DGKG: variants seen among roughly 807,000 people sequenced by gnomAD.
DGKG encodes diacylglycerol kinase gamma.
DGKG carries 78 observed loss-of-function variants against 105.3 expected under a neutral mutation model. The ratio of observed to expected loss-of-function variants is 0.74; its 90% CI spans 0.62 to 0.89. The LOEUF (loss-of-function observed/expected upper bound fraction) is 0.89, where lower values mean the gene tolerates loss of function less well. Among genes scored for constraint, DGKG ranks in the 40% least tolerant of loss-of-function variants. The pLI is 0.00. For missense variants in DGKG, 958 were observed against 1,020.1 expected, an observed-to-expected ratio of 0.94 and a Z score of 0.83; for synonymous variants, 346 against 367.1, an observed-to-expected ratio of 0.94 and a Z score of 0.66.
intron 3 of DGKG, chr3:186,306,639 GT>G: frequency 2.5e-6 from 1 of 402,436 alleles, no homozygotes; most frequent in Non-Finnish European, 4.5e-6. Flanking sequence ...AGAAAACTCA[GT>G]TGTTAACTGA....
chr3:186,250,142 G>C (rs1721136067), intron 19 of DGKG, among the ~76,000 whole-genome samples: 1 of 152,168 alleles, frequency 6.6e-6, no homozygotes, highest in South Asian at 2.1e-4. Flanking sequence ...CTCATCTGTA[G>C]AGTGAGATGA....
chr3:186,279,796 A>T, intron 9 of DGKG, 55 bp downstream of exon 9: 7 of 1,593,952 alleles, frequency 4.4e-6, no homozygotes, highest in Non-Finnish European at 6.0e-6. Flanking sequence ...TATTAACATG[A>T]AGCCCAATGT....
intron 22 of DGKG, among the ~76,000 whole-genome samples, chr3:186,174,535 G>C (rs73066186): frequency 0.13 from 19,996 of 152,158 alleles, 1,463 homozygotes; most frequent in Middle Eastern, 0.26. Context: ...TGAGAATTTA[G>C]GGTGACTTGC....
chr3:186,262,780 GTTTC>G (rs1189959886), intron 14 of DGKG, among the ~76,000 whole-genome samples: 1 of 152,110 alleles, frequency 6.6e-6, no homozygotes, highest in East Asian at 1.9e-4. Flanking sequence ...GCTCGTGCTT[GTTTC>G]TTCTCCCATT....
At chr3:186,246,634 C>G (rs1720955511) in intron 19 of DGKG, among the ~76,000 whole-genome samples, 1 of 152,240 alleles carries the variant, frequency 6.6e-6, no homozygotes, top group South Asian at 2.1e-4. Context: ...CCACGTCCCT[C>G]TGGGGAGTCC....
At chr3:186,215,250 A>C (rs1719221132) in intron 20 of DGKG, among the ~76,000 whole-genome samples, 1 of 152,060 alleles carries the variant, frequency 6.6e-6, no homozygotes, top group Non-Finnish European at 1.5e-5. Context: ...ATCTCTACTA[A>C]AAATGCAAAA....
chr3:186,216,175 T>C (rs1373028160), intron 20 of DGKG, among the ~76,000 whole-genome samples: 2 of 152,060 alleles, frequency 1.3e-5, no homozygotes, highest in Non-Finnish European at 2.9e-5. Context: ...GTATTTTGTA[T>C]TTTTAGTAGA....
intron 1 of DGKG, among the ~76,000 whole-genome samples, chr3:186,359,685 T>G (rs1727138108): frequency 6.6e-6 from 1 of 152,162 alleles, no homozygotes; most frequent in East Asian, 1.9e-4. Context: ...ATGCAAAGTA[T>G]ACTTATTAGG....
At chr3:186,176,034 A>G (rs1717060810) in intron 22 of DGKG, among the ~76,000 whole-genome samples, 1 of 152,234 alleles carries the variant, frequency 6.6e-6, no homozygotes, top group Non-Finnish European at 1.5e-5. Context: ...AAAGGACGCA[A>G]GGCAGAGACA....
At chr3:186,305,877 G>A (rs772978742) in intron 3 of DGKG, among the ~76,000 whole-genome samples, 1 of 152,164 alleles carries the variant, frequency 6.6e-6, no homozygotes, top group Non-Finnish European at 1.5e-5. Context: ...AAATGGAGTA[G>A]ACTGCTGGAA....
At chr3:186,341,453 C>T (rs1363251144) in intron 1 of DGKG, among the ~76,000 whole-genome samples, 1 of 152,060 alleles carries the variant, frequency 6.6e-6, no homozygotes, top group Non-Finnish European at 1.5e-5. Context: ...TCAAGACCAA[C>T]CTGGGCAATA....
At chr3:186,318,070 C>T (rs2268814) in intron 2 of DGKG, among the ~76,000 whole-genome samples, 92,971 of 151,990 alleles carry the variant, frequency 0.61, 28,636 homozygotes, top group Middle Eastern at 0.68. Flanking sequence ...ACACTCACCA[C>T]CTTAGCTCTT....
chr3:186,164,914 C>T lies in DGKG; in HGVS notation c.2200G>A (p.Ala734Thr), dbSNP rs775166597. 79 of 1,612,800 alleles carry T rather than the reference C, an allele frequency of 4.9e-5. No homozygotes were observed. In the South Asian group the frequency reaches 5.4e-4, roughly 11 times the overall value. ...GAGGCATACCTGATGGTGACAGAGG[C>T]GCACTGGGCCAGCCTCCTGCCTGCA... ...KSAGRRLAQCASVTIRTNKLL... is the reference protein window; with the variant it reads ...KSAGRRLAQCTSVTIRTNKLL... The change falls in exon 23 of 25, where the codon GCC becomes ACC. Residue 734 changes from alanine to threonine, a missense_variant. Ala to Thr is a moderately conservative substitution (Grantham distance 58). This residue lies in a region of DGKG where 315 missense variants were observed against 400.6 expected (regional missense o/e 0.79). Transcript: ENST00000265022.
intron 20 of DGKG, among the ~76,000 whole-genome samples, chr3:186,219,451 G>C (rs1439053754): frequency 6.6e-6 from 1 of 152,226 alleles, no homozygotes; most frequent in Non-Finnish European, 1.5e-5. Context: ...TGGTTCAAGG[G>C]AAAGTGAACA....
At chr3:186,171,259 G>A (rs541903594) in intron 22 of DGKG, among the ~76,000 whole-genome samples, 1 of 152,120 alleles carries the variant, frequency 6.6e-6, no homozygotes, top group African/African-American at 2.4e-5. Flanking sequence ...GCATATAAAA[G>A]GTTCTTGATA....
intron 24 of DGKG, among the ~76,000 whole-genome samples, chr3:186,151,644 G>C (rs1458538542): frequency 6.6e-6 from 1 of 152,198 alleles, no homozygotes; most frequent in African/African-American, 2.4e-5. Flanking sequence ...GGGTTCACAT[G>C]AAGAAATGAG....
At chr3:186,182,460 T>C (rs892101660) in intron 22 of DGKG, among the ~76,000 whole-genome samples, 4 of 152,190 alleles carry the variant, frequency 2.6e-5, no homozygotes, top group African/African-American at 9.6e-5. Flanking sequence ...AGTGTTGAAA[T>C]GGAGGCTGGA....
chr3:186,254,539 GT>G (rs1297520532), intron 17 of DGKG, among the ~76,000 whole-genome samples: 1 of 152,140 alleles, frequency 6.6e-6, no homozygotes, highest in Middle Eastern at 3.2e-3. Flanking sequence ...GTCAACTGTT[GT>G]TATGGTGTTT....
Position 186,288,778 on chromosome 3 carries a change from A to G in DGKG, c.476T>C (p.Val159Ala). ...PRSSSSESPV[V>A]YLKDVVCYLS... ...GTAGCACACAACATCCTTCAGGTAT[A>G]CCACTGGGGATTCCGAGCTTGAAGA... The change falls in exon 6 of 25, where the codon GTA becomes GCA. Residue 159 changes from valine to alanine, a missense_variant. Coordinates refer to ENST00000265022, the MANE Select transcript of DGKG (RefSeq NM_001346.3). 1 of 1,613,836 alleles carries G rather than the reference A, an allele frequency of 6.2e-7. No homozygotes were observed. The highest frequency in any genetic ancestry group is 8.5e-7 in the Non-Finnish European group (1 of 1,179,854).
Sources: gnomAD v4.1 joint callset for allele counts (sites outside exome capture counted in the v4.1 genomes callset) on GRCh38, gnomAD v4.1.1 for gene constraint, gnomAD v4.1.1 regional missense constraint, MANE v1.5 for transcripts, NCBI Gene and HGNC (gene_info 2026-07-23, HGNC 2026-07-21) for gene names.